Variants in TTC7B observed in about 807,000 individuals in gnomAD.
TTC7B encodes the protein tetratricopeptide repeat protein 7B.
Under a neutral mutation model 106.8 loss-of-function variants are expected in TTC7B, and 28 were observed. The observed-to-expected ratio is 0.26, with a 90% CI of 0.19 to 0.36. TTC7B has a LOEUF of 0.36. TTC7B is among the 10% of genes least tolerant of loss of function. TTC7B has a pLI of 1.00. For missense variants in TTC7B, 862 were observed against 1,076.4 expected, an observed-to-expected ratio of 0.80 and a Z score of 2.79; for synonymous variants, 405 against 430.6, an observed-to-expected ratio of 0.94 and a Z score of 0.74.
intron 13 of TTC7B, among the ~76,000 whole-genome samples, chr14:90,650,008 G>A (rs554561941): frequency 5.9e-5 from 9 of 152,036 alleles, no homozygotes; most frequent in East Asian, 1.9e-4. Flanking sequence ...GGAAAGCATC[G>A]GATGGGCTTC....
At chr14:90,573,522 ACGG>A (rs1566777347) in intron 19 of TTC7B, among the ~76,000 whole-genome samples, 2 of 110,372 alleles carry the variant, frequency 1.8e-5, no homozygotes, top group African/African-American at 7.9e-5. Flanking sequence ...TCTCCGGCTC[ACGG>A]TCTCTCTCAG....
Position 90,786,255 on chromosome 14 carries a change from C to A in TTC7B, c.195G>T (p.Gly65=). ...GGGGCTTGGGGCCTCGGGGACTGGC[C>A]CCCTGCCTCAGGGGGTGTTCCTTCA... ...QYLKEHPLRQ[G]ASPRGPKPQL... is the part of the protein sequence containing the mutation. The change falls in exon 2 of 20, where the codon GGG becomes GGT. Residue 65 remains glycine (G), a synonymous_variant. Coordinates refer to ENST00000328459, the MANE Select transcript of TTC7B (RefSeq NM_001010854.2). The A allele has an allele frequency of 6.2e-7, 1 of 1,612,036 alleles. No individual in the cohort carries two copies. The highest frequency in any genetic ancestry group is 8.5e-7 in the Non-Finnish European group (1 of 1,179,146).
At chr14:90,695,029 AT>A (rs557463957) in intron 6 of TTC7B, among the ~76,000 whole-genome samples, 25 of 36,526 alleles carry the variant, frequency 6.8e-4, no homozygotes, top group South Asian at 1.9e-3. Context: ...ATATATGTAT[AT>A]TTTTTATTTT....
chr14:90,588,362 A>G (rs1891807486), intron 18 of TTC7B, among the ~76,000 whole-genome samples: 1 of 152,228 alleles, frequency 6.6e-6, no homozygotes, highest in Admixed American at 6.5e-5. Context: ...GCCAAAGTGA[A>G]AGCTGTAATT....
chr14:90,593,728 C>T, intron 17 of TTC7B, 102 bp from the exon 18 acceptor site: 6 of 1,176,044 alleles, frequency 5.1e-6, no homozygotes, highest in Non-Finnish European at 5.7e-6. Flanking sequence ...ACACCCCTTC[C>T]CCCATGATGT....
At chr14:90,774,795 T>C (rs925642024) in intron 3 of TTC7B, among the ~76,000 whole-genome samples, 4 of 152,166 alleles carry the variant, frequency 2.6e-5, no homozygotes, top group African/African-American at 9.7e-5. Context: ...ATCCCAGCAC[T>C]TTGGGAGGCC....
At chr14:90,760,479 C>T (rs1890463121) in intron 3 of TTC7B, among the ~76,000 whole-genome samples, 1 of 152,214 alleles carries the variant, frequency 6.6e-6, no homozygotes, top group African/African-American at 2.4e-5. Context: ...CAACATGATA[C>T]ATTTAAACCT....
chr14:90,563,642 A>C (rs1487537016), intron 19 of TTC7B, among the ~76,000 whole-genome samples: 2 of 152,192 alleles, frequency 1.3e-5, no homozygotes, highest in Non-Finnish European at 2.9e-5. Context: ...CTTGGACAAA[A>C]GAGCTCTCTG....
chr14:90,622,954 C>T (rs1884276293), intron 15 of TTC7B, among the ~76,000 whole-genome samples: 1 of 152,108 alleles, frequency 6.6e-6, no homozygotes, highest in African/African-American at 2.4e-5. Flanking sequence ...CCCACTCGAG[C>T]CGTGGTCAGC....
chr14:90,656,638 A>T (rs570703858), intron 11 of TTC7B, among the ~76,000 whole-genome samples: 9 of 152,280 alleles, frequency 5.9e-5, no homozygotes, highest in Non-Finnish European at 1.2e-4. Context: ...CAAAAAAATT[A>T]AAAAATTAGC....
At position 90,780,786 on chromosome 14, in the gene TTC7B, C is replaced by G; in HGVS notation, c.397G>C (p.Val133Leu). 1 of 1,614,282 alleles carries G rather than the reference C, an allele frequency of 6.2e-7. No homozygotes were observed. Among genetic ancestry groups the G allele is most frequent in the South Asian group, 1.1e-5 (1 of 91,092 alleles). ...VGLDDLPLTA[V>L]PPYRLRVIAE... ...ATCACCCGCAGCCTGTAGGGCGGGA[C>G]AGCTGTCAGTGGCAGATCGTCCAGG... The change falls in exon 3 of 20, where the codon GTC becomes CTC. Residue 133 changes from valine to leucine, a missense_variant. Transcript: ENST00000328459.
chr14:90,769,421 C>T (rs1017757930), intron 3 of TTC7B, among the ~76,000 whole-genome samples: 2 of 152,134 alleles, frequency 1.3e-5, no homozygotes, highest in Non-Finnish European at 2.9e-5. Flanking sequence ...ATGCCGTCTA[C>T]AAGAAACTCT....
chr14:90,646,788 C>T (rs1163327928), intron 14 of TTC7B, 163 bp downstream of exon 14: 3 of 666,024 alleles, frequency 4.5e-6, no homozygotes, highest in Non-Finnish European at 7.9e-6. Context: ...TCAAACCAAC[C>T]AAAACACCAG....
intron 3 of TTC7B, among the ~76,000 whole-genome samples, chr14:90,762,721 C>A (rs1890541405): frequency 6.6e-6 from 1 of 152,214 alleles, no homozygotes; most frequent in South Asian, 2.1e-4. Flanking sequence ...AGAGACTACT[C>A]CTCAAAGCCA....
intron 1 of TTC7B, among the ~76,000 whole-genome samples, chr14:90,814,565 G>A (rs2031072392): frequency 6.6e-6 from 1 of 152,080 alleles, no homozygotes; most frequent in South Asian, 2.1e-4. Context: ...GAAACAAGTG[G>A]ATTCAGAAGA....
rs1890995868 is a variant in TTC7B, at chr14:90,570,647, G to A, written c.2310+7459C>T. On this transcript the variant is annotated intron_variant, in intron 19 of 19. Transcript: ENST00000328459. The surrounding 1 kb of genome is among the most constrained non-coding windows in gnomAD (Gnocchi z 4.0). ...ACCAGTGAAAGTCAGTCACGCTGGT[G>A]CAGAAAGGGAAGCTCCATGGGGCCA... is the stretch of plus-strand genomic sequence containing the variant. Among the ~76,000 whole-genome samples, 2 of 152,220 alleles carry A rather than the reference G, an allele frequency of 1.3e-5. No homozygotes were observed. The highest frequency in any genetic ancestry group is 2.1e-4 in the South Asian group (1 of 4,822).
intron 15 of TTC7B, among the ~76,000 whole-genome samples, chr14:90,631,283 T>G (rs1884692192): frequency 6.6e-6 from 1 of 152,228 alleles, no homozygotes; most frequent in African/African-American, 2.4e-5. Flanking sequence ...TGTATAGATC[T>G]GTTCAAGTCC....
chr14:90,770,567 C>T (rs866297084), intron 3 of TTC7B, among the ~76,000 whole-genome samples: 3 of 151,844 alleles, frequency 2.0e-5, no homozygotes, highest in Admixed American at 6.6e-5. Flanking sequence ...GCAGGAGAAT[C>T]GCTTGAACCC....
intron 7 of TTC7B, among the ~76,000 whole-genome samples, chr14:90,688,541 T>C (rs977810301): frequency 2.7e-5 from 4 of 147,692 alleles, no homozygotes; most frequent in African/African-American, 1.0e-4. Context: ...GGGAATCACT[T>C]GAACCCAGGA....
Sources: allele counts gnomAD v4.1 joint callset (sites outside exome capture counted in the v4.1 genomes callset), GRCh38; gene constraint gnomAD v4.1.1; non-coding constraint Gnocchi (gnomAD v3.1); transcripts MANE v1.5; gene names NCBI Gene and HGNC (gene_info 2026-07-23, HGNC 2026-07-21).